Variants in TTBK1 observed in about 807,000 individuals in gnomAD.
TTBK1 encodes tau tubulin kinase 1.
A neutral mutation model predicts 108.5 loss-of-function variants in TTBK1; 34 were observed. The observed-to-expected ratio is 0.31, with a 90% CI of 0.24 to 0.42. The LOEUF is 0.42. Ranked by LOEUF, TTBK1 falls within the 10% of genes least tolerant of loss-of-function variation. The pLI, the probability that TTBK1 is intolerant of heterozygous loss-of-function variation, is 1.00. For synonymous variants in TTBK1, 809 were observed against 795.1 expected, an observed-to-expected ratio of 1.02 and a Z score of -0.29; for missense variants, 1,539 against 1,826.0, an observed-to-expected ratio of 0.84 and a Z score of 2.86.
At chr6:43,277,423 C>T (rs1408263888) in intron 13 of TTBK1, among the ~76,000 whole-genome samples, 1 of 152,136 alleles carries the variant, frequency 6.6e-6, no homozygotes, top group Non-Finnish European at 1.5e-5. Context: ...GGAAGGCCCC[C>T]CCATACCTCC....
chr6:43,264,568 A>C (rs1157367327), intron 13 of TTBK1, among the ~76,000 whole-genome samples: 1 of 152,144 alleles, frequency 6.6e-6, no homozygotes, highest in African/African-American at 2.4e-5. Flanking sequence ...CCCAAAAGTG[A>C]GGGCAGAAGC....
chr6:43,255,459 C>T (rs931661812), intron 7 of TTBK1, 93 bp from the exon 8 acceptor site: 3 of 1,187,096 alleles, frequency 2.5e-6, no homozygotes, highest in Non-Finnish European at 3.7e-6. Flanking sequence ...GGGTGTCAGG[C>T]CTCCCTGACA....
chr6:43,252,799 A>C lies in TTBK1; in HGVS notation c.169A>C (p.Arg57=). The C allele has an allele frequency of 6.2e-7, 1 of 1,614,014 alleles. No homozygotes were observed. The highest frequency in any genetic ancestry group is 2.2e-5 in the East Asian group (1 of 44,878). ...CTACGAGGCCATGGACCTGCTGACC[A>C]GGGAGAATGTGGCCCTCAAGGTGGA... ...EIYEAMDLLT[R]ENVALKVESA... Residue 57 remains arginine, a synonymous_variant, in exon 3 of 15, where the codon AGG becomes CGG. Transcript: ENST00000259750.
In TTBK1 at chr6:43,252,858, G is replaced by A; in HGVS notation, c.228G>A (p.Met76Ile). ...SAQQPKQVLK[M>I]EVAVLKKLQG... is the part of the protein sequence containing the mutation. ...AGCAGCCCAAGCAGGTCCTCAAGAT[G>A]GAGGTGGCCGTGCTCAAGAAGTTGC... Residue 76 changes from methionine (M) to isoleucine (I), a missense_variant, in exon 3 of 15, where the codon ATG becomes ATA. Physicochemically the swap from Met to Ile is conservative, Grantham distance 10. This residue lies in a region of TTBK1 where 155 missense variants were observed against 348.5 expected (regional missense o/e 0.44). Transcript: ENST00000259750. 1 of 1,613,810 alleles carries A rather than the reference G, an allele frequency of 6.2e-7. No homozygotes were observed. Among genetic ancestry groups the A allele is most frequent in the Non-Finnish European group, 8.5e-7 (1 of 1,179,938 alleles).
At chr6:43,250,535 T>C (rs553000186) in intron 2 of TTBK1, among the ~76,000 whole-genome samples, 1 of 152,062 alleles carries the variant, frequency 6.6e-6, no homozygotes, top group South Asian at 2.1e-4. Flanking sequence ...GTTTTGTAGT[T>C]TTAAATAGAG....
At chr6:43,280,491 T>C (rs1778126560) in intron 13 of TTBK1, among the ~76,000 whole-genome samples, 1 of 152,226 alleles carries the variant, frequency 6.6e-6, no homozygotes, top group African/African-American at 2.4e-5. Context: ...GGAATGTGCA[T>C]ATCCCCACTT....
At position 43,247,064 on chromosome 6, in the gene TTBK1, A is replaced by C. The variant is rs1487800392; in HGVS notation, c.108+296A>C. Among the ~76,000 whole-genome samples, 7 of 152,106 alleles carry C rather than the reference A, an allele frequency of 4.6e-5. No homozygotes were observed. The South Asian group carries it at 1.5e-3, about 32-fold the overall frequency. On this transcript the variant is annotated intron_variant, in intron 2 of 14. Transcript: ENST00000259750. ...TGTCTGGGCAGGAGCTGCAGAGGCC[A>C]GTGTGGCGGAGGAGGAAGAGGGGTG... is the stretch of plus-strand genomic sequence containing the variant.
chr6:43,275,470 C>T (rs1777953669), intron 13 of TTBK1, among the ~76,000 whole-genome samples: 1 of 151,880 alleles, frequency 6.6e-6, no homozygotes, highest in Non-Finnish European at 1.5e-5. Context: ...TGGGGCTCCC[C>T]TCAGTGCTGC....
At chr6:43,249,854 G>A (rs539678470) in intron 2 of TTBK1, among the ~76,000 whole-genome samples, 1 of 152,252 alleles carries the variant, frequency 6.6e-6, no homozygotes, top group South Asian at 2.1e-4. Flanking sequence ...TGGGATTACA[G>A]GCGTGAGGCA....
chr6:43,259,161 G>A lies in TTBK1; in HGVS notation c.1140G>A (p.Glu380=), dbSNP rs1582487484. 7 of 1,613,772 alleles carry A rather than the reference G, an allele frequency of 4.3e-6. No individual in the cohort carries two copies. Among genetic ancestry groups the A allele is most frequent in the Non-Finnish European group, 5.9e-6 (7 of 1,179,772 alleles). The change falls in exon 11 of 15, where the codon GAG becomes GAA. Residue 380 remains glutamate (E), a synonymous_variant. Coordinates refer to ENST00000259750, the MANE Select transcript of TTBK1 (RefSeq NM_032538.3). This position sits in a 1 kb window ranked among gnomAD's most constrained non-coding sequence, Gnocchi z 6.7. The part of the protein sequence containing the change: ...APPILPGRPS[E]GLGPSPHLVP... ...CAATTCTGCCCGGGAGGCCCTCTGA[G>A]GGGCTGGGCCCCAGTCCCCACCTTG...
intron 12 of TTBK1, among the ~76,000 whole-genome samples, chr6:43,260,078 C>T (rs560967439): frequency 2.0e-5 from 3 of 152,108 alleles, no homozygotes; most frequent in Non-Finnish European, 4.4e-5. Context: ...GAGGTAGGCT[C>T]TCTTCAGCTT....
At position 43,262,029 on chromosome 6, in the gene TTBK1, G is replaced by A. The variant is rs896634945; in HGVS notation, c.1425-760G>A. ...GGGAAAGGCAGGCTACCTGCCCAAG[G>A]TGACAGCCAACCTGTATCAGACAGC... On this transcript the variant is annotated intron_variant, in intron 12 of 14. Transcript: ENST00000259750. 6.6e-5 allele frequency among the ~76,000 whole-genome samples: 10 copies of A among 152,270 alleles called. 1 individual carries two copies. In the East Asian group the frequency reaches 1.9e-3, roughly 29 times the overall value.
At position 43,243,564 on chromosome 6, in the gene TTBK1, T is replaced by G. The variant is rs1385960541; in HGVS notation, c.-199T>G. ...CCGGGCCGGGCCGGGATGATCCGGG[T>G]CGGAAGGCCGCCGCCGCCGGAGGGA... On this transcript the variant is annotated 5_prime_UTR_variant, in exon 1 of 15. Coordinates refer to ENST00000259750, the MANE Select transcript of TTBK1 (RefSeq NM_032538.3). This position sits in a 1 kb window ranked among gnomAD's most constrained non-coding sequence, Gnocchi z 5.5. The G allele has an allele frequency of 6.6e-6, 1 of 151,908 alleles. No individual in the cohort carries two copies. The highest frequency in any genetic ancestry group is 1.5e-5 in the Non-Finnish European group (1 of 67,844). The allele number at this position is 151,908 out of a possible 1,614,324, so 9.4% of individuals were successfully genotyped here.
Position 43,284,004 on chromosome 6 carries a change from C to T in TTBK1, c.3264C>T (p.Asp1088=). ...RWSKRARPQQ[D]LARLVMEKRQ... ...GCAAGCGGGCTCGGCCGCAGCAGGA[C>T]CTGGCGCGGCTGGTGATGGAGAAGA... The change falls in exon 14 of 15, where the codon GAC becomes GAT. Residue 1088 remains aspartate, a synonymous_variant. Transcript: ENST00000259750. 2 of 1,591,590 alleles carry T rather than the reference C, an allele frequency of 1.3e-6. No individual in the cohort carries two copies. The highest frequency in any genetic ancestry group is 1.3e-5 in the African/African-American group (1 of 74,398).
rs1216490356 is a variant in TTBK1, at chr6:43,288,124, C to T, written c.*2748C>T. ...ATGTAACACCCCTCCCCAAGCCCTT[C>T]CCAGTCACTGCATGGCCTCTGCCCA... is the stretch of plus-strand genomic sequence containing the variant. On this transcript the variant is annotated 3_prime_UTR_variant, in exon 15 of 15. Transcript: ENST00000259750. This position sits in a 1 kb window ranked among gnomAD's most constrained non-coding sequence, Gnocchi z 4.4. The T allele has an allele frequency of 6.5e-6, 1 of 152,800 alleles. No homozygotes were observed. The highest frequency in any genetic ancestry group is 1.5e-5 in the Non-Finnish European group (1 of 68,124). 9.5% of individuals were successfully genotyped at this position (152,800 alleles called of 1,614,324 possible). A position where few individuals can be genotyped will look rare whatever the true frequency, so the allele number is the denominator to read the frequency against.
intron 10 of TTBK1, among the ~76,000 whole-genome samples, chr6:43,258,694 CAA>C (rs1351235079): frequency 6.6e-6 from 1 of 152,212 alleles, no homozygotes; most frequent in Non-Finnish European, 1.5e-5. Context: ...AAAGGATCTC[CAA>C]AGTGATTCTC....
In TTBK1 at chr6:43,276,413, G is replaced by A. The variant is rs965476516; in HGVS notation, c.1987-6314G>A. 6.6e-6 allele frequency among the ~76,000 whole-genome samples: 1 copy of A among 152,110 alleles called. No homozygotes were observed. Among genetic ancestry groups the A allele is most frequent in the African/African-American group, 2.4e-5 (1 of 41,410 alleles). Reference sequence around the variant, plus strand: ...TAGAAAAGCATGCACTGAGCCCCCTGCCCCTAGACTGCGAGTACTGTACAA... The same window carrying A: ...TAGAAAAGCATGCACTGAGCCCCCTACCCCTAGACTGCGAGTACTGTACAA... On this transcript the variant is annotated intron_variant, in intron 13 of 14. Coordinates refer to ENST00000259750, the MANE Select transcript of TTBK1 (RefSeq NM_032538.3). The surrounding 1 kb of genome is among the most constrained non-coding windows in gnomAD (Gnocchi z 5.4).
rs1355098643 is a variant in TTBK1, at chr6:43,257,894, C to T, written c.944C>T (p.Thr315Ile). ...GCCTTTGACTGGGAGAAGGCAGGCA[C>T]CGATGCCCTCCTGTCCACGAGCACC... The part of the protein sequence containing the change: ...NEAFDWEKAG[T>I]DALLSTSTST... Residue 315 changes from threonine to isoleucine, a missense_variant, in exon 10 of 15, where the codon ACC (threonine) becomes ATC (isoleucine). Thr to Ile is a moderately conservative substitution (Grantham distance 89). Coordinates refer to ENST00000259750, the MANE Select transcript of TTBK1 (RefSeq NM_032538.3). This position sits in a 1 kb window ranked among gnomAD's most constrained non-coding sequence, Gnocchi z 4.5. 1 of 1,614,018 alleles carries T rather than the reference C, an allele frequency of 6.2e-7. No individual in the cohort carries two copies. Among genetic ancestry groups the T allele is most frequent in the Admixed American group, 1.7e-5 (1 of 60,014 alleles).
chr6:43,262,237 G>A (rs1777560812), intron 12 of TTBK1, among the ~76,000 whole-genome samples: 1 of 152,230 alleles, frequency 6.6e-6, no homozygotes, highest in African/African-American at 2.4e-5. Context: ...TTGGGGCCGG[G>A]GAGTCACTGG....
Sources: gnomAD v4.1 joint callset for allele counts (sites outside exome capture counted in the v4.1 genomes callset) on GRCh38, gnomAD v4.1.1 for gene constraint, gnomAD v4.1.1 regional missense constraint, Gnocchi (gnomAD v3.1) non-coding constraint, MANE v1.5 for transcripts, NCBI Gene and HGNC (gene_info 2026-07-23, HGNC 2026-07-21) for gene names.